The following GALNT13 variants were observed in gnomAD, a reference collection of about 807,000 sequenced individuals.
GALNT13 encodes the protein UDP-GalNAc:polypeptide N-acetylgalactosaminyltransferase 13.
GALNT13 carries 28 observed loss-of-function variants against 64.2 expected under a neutral mutation model. The ratio of observed to expected loss-of-function variants is 0.44; its 90% CI spans 0.32 to 0.60. The LOEUF is 0.60. Among genes scored for constraint, GALNT13 ranks in the 20% least tolerant of loss-of-function variants. GALNT13 has a pLI of 0.05. For missense variants in GALNT13, 577 were observed against 669.8 expected (o/e 0.86, Z 1.53); for synonymous variants, 214 against 224.6 (o/e 0.95, Z 0.42).
intron 3 of GALNT13, among the ~76,000 whole-genome samples, chr2:154,045,838 T>C (rs1053531050): frequency 6.6e-6 from 1 of 152,244 alleles, no homozygotes; most frequent in South Asian, 2.1e-4. Flanking sequence ...TTGTACTTAC[T>C]CTTCTTCTCA....
the GALNT13 span, among the ~76,000 whole-genome samples, chr2:153,710,669 C>T: frequency 5.3e-5 from 8 of 151,950 alleles, no homozygotes; most frequent in African/African-American, 9.7e-5. Context: ...CTCTACTGAA[C>T]GATCATACAA....
chr2:153,458,962 G>T, the GALNT13 span, among the ~76,000 whole-genome samples: 1 of 151,806 alleles, frequency 6.6e-6, no homozygotes, highest in African/African-American at 2.4e-5. Flanking sequence ...TAAAATCTAG[G>T]GTCAAACTGG....
chr2:154,155,474 A>G lies in GALNT13; in HGVS notation c.311+14969A>G, dbSNP rs182940777. Among the ~76,000 whole-genome samples the G allele has an allele frequency of 8.5e-4, 130 of 152,102 alleles. 2 individuals carry two copies. The highest frequency in any genetic ancestry group is 7.3e-3 in the Admixed American group (111 of 15,274). The stretch of plus-strand genomic sequence containing the variant: ...CTTCTGTATTAAATTACTTCTCACT[A>G]TTTTTTGCCCCAGATGTTTTCTGTG... On this transcript the variant is annotated intron_variant, in intron 4 of 12. Transcript: ENST00000392825.
At chr2:153,772,388 G>A in the GALNT13 span, among the ~76,000 whole-genome samples, 6 of 152,150 alleles carry the variant, frequency 3.9e-5, no homozygotes, top group African/African-American at 1.4e-4. Flanking sequence ...CTCTTGGCCT[G>A]GGTTGCATGG....
chr2:154,426,689 A>G (rs1559148613), intron 11 of GALNT13, among the ~76,000 whole-genome samples: 2 of 152,244 alleles, frequency 1.3e-5, no homozygotes, highest in Non-Finnish European at 2.9e-5. Context: ...AAAACCCTTC[A>G]GGGCAGAGTC....
intron 4 of GALNT13, among the ~76,000 whole-genome samples, chr2:154,148,546 T>A (rs1031294829): frequency 1.3e-5 from 2 of 151,998 alleles, no homozygotes; most frequent in African/African-American, 4.8e-5. Flanking sequence ...CCACCAACAG[T>A]GTAAAAATGT....
intron 4 of GALNT13, among the ~76,000 whole-genome samples, chr2:154,194,831 A>G (rs1193371837): frequency 6.6e-6 from 1 of 151,468 alleles, no homozygotes; most frequent in Non-Finnish European, 1.5e-5. Context: ...TAGTGTAGCC[A>G]GGATATCAGC....
intron 4 of GALNT13, among the ~76,000 whole-genome samples, chr2:154,190,963 G>A (rs987652965): frequency 6.6e-6 from 1 of 152,014 alleles, no homozygotes; most frequent in African/African-American, 2.4e-5. Context: ...TATACTTAAT[G>A]GACATCTCAA....
the GALNT13 span, among the ~76,000 whole-genome samples, chr2:153,441,187 A>G: frequency 6.6e-6 from 1 of 152,034 alleles, no homozygotes; most frequent in Non-Finnish European, 1.5e-5. Flanking sequence ...TTTCCCAATG[A>G]CATTTATTAA....
the GALNT13 span, among the ~76,000 whole-genome samples, chr2:153,815,259 C>T: frequency 1.3e-5 from 2 of 152,258 alleles, no homozygotes; most frequent in South Asian, 2.1e-4. Flanking sequence ...ATTGCCACTG[C>T]TGTCTTATTT....
At chr2:153,399,239 T>G in the GALNT13 span, among the ~76,000 whole-genome samples, 293 of 151,430 alleles carry the variant, frequency 1.9e-3, 2 homozygotes, top group African/African-American at 6.4e-3. Context: ...GTTGTAGATA[T>G]GCGGCGTTAT....
chr2:153,977,669 G>A (rs1558885533), intron 3 of GALNT13, among the ~76,000 whole-genome samples: 3 of 151,848 alleles, frequency 2.0e-5, no homozygotes, highest in African/African-American at 7.3e-5. Context: ...TCTCAAACCA[G>A]CATCATCATC....
chr2:153,632,039 A>G, the GALNT13 span, among the ~76,000 whole-genome samples: 1 of 152,130 alleles, frequency 6.6e-6, no homozygotes, highest in Non-Finnish European at 1.5e-5. Flanking sequence ...GTCCAAGGCA[A>G]AACAGCATCC....
At chr2:154,011,073 AT>A (rs900144307) in intron 3 of GALNT13, among the ~76,000 whole-genome samples, 39 of 151,058 alleles carry the variant, frequency 2.6e-4, no homozygotes, top group African/African-American at 7.0e-4. Context: ...GACCTTTTGT[AT>A]TTTTTTTCTC....
At chr2:153,163,549 C>T in the GALNT13 span, among the ~76,000 whole-genome samples, 1 of 152,130 alleles carries the variant, frequency 6.6e-6, no homozygotes, top group East Asian at 1.9e-4. Context: ...ACCCTCAGAA[C>T]TTCAAACCTT....
intron 3 of GALNT13, among the ~76,000 whole-genome samples, chr2:154,004,097 A>T (rs562851120): frequency 2.2e-4 from 34 of 152,218 alleles, no homozygotes; most frequent in African/African-American, 8.2e-4. Flanking sequence ...TTATAGACTA[A>T]TTCTAATTAT....
intron 11 of GALNT13, among the ~76,000 whole-genome samples, chr2:154,415,461 A>C (rs1699970447): frequency 2.0e-5 from 3 of 152,146 alleles, no homozygotes. Context: ...ACGTGGAAAC[A>C]TTCCATATAA....
intron 4 of GALNT13, among the ~76,000 whole-genome samples, chr2:154,235,554 A>G (rs1031118852): frequency 1.3e-5 from 2 of 152,176 alleles, no homozygotes; most frequent in Admixed American, 6.6e-5. Flanking sequence ...TGCAATTCTC[A>G]TAGCTCTTAA....
chr2:153,602,673 G>A, the GALNT13 span, among the ~76,000 whole-genome samples: 11 of 151,760 alleles, frequency 7.2e-5, no homozygotes, highest in Admixed American at 3.3e-4. Context: ...AGAAAATGAG[G>A]ACAACCAGAT....
Sources: allele counts gnomAD v4.1 joint callset (sites outside exome capture counted in the v4.1 genomes callset), GRCh38; gene constraint gnomAD v4.1.1; transcripts MANE v1.5; gene names NCBI Gene and HGNC (gene_info 2026-07-23, HGNC 2026-07-21).